The following UBR4 variants were observed in gnomAD, a reference collection of about 807,000 sequenced individuals.
The protein encoded by UBR4 is E3 ubiquitin-protein ligase UBR4.
In UBR4, 124 loss-of-function variants were observed where a neutral mutation model predicts 575.6. The observed-to-expected ratio is 0.22, with a 90% confidence interval of 0.19 to 0.25. UBR4 has a LOEUF of 0.25. Ranked by LOEUF, UBR4 falls within the 10% of genes least tolerant of loss-of-function variation. The pLI is 1.00. For missense variants in UBR4, 4,818 were observed against 6,478.8 expected (o/e 0.74, Z 8.80); for synonymous variants, 2,455 against 2,473.7 (o/e 0.99, Z 0.22).
At chr1:19,147,077 GC>G in intron 51 of UBR4, 77 bp from the exon 52 acceptor site, 1 of 1,464,614 alleles carries the variant, frequency 6.8e-7, no homozygotes. Context: ...AGAAAAGCTG[GC>G]AGATCACCAG....
At chr1:19,190,312 A>AAAAAAAAAAAAAAAAATAT in intron 11 of UBR4, among the ~76,000 whole-genome samples, 16 of 79,906 alleles carry the variant, frequency 2.0e-4, no homozygotes, top group African/African-American at 5.9e-4. Flanking sequence ...AAAAAAAAAA[A>AAAAAAAAAAAAAAAAATAT]ATATATATAT....
chr1:19,203,483 G>A (rs937380960), intron 1 of UBR4, among the ~76,000 whole-genome samples: 143 of 149,818 alleles, frequency 9.5e-4, no homozygotes, highest in African/African-American at 3.3e-3. Context: ...CTGGGCAAAA[G>A]AGTAAGACTC....
intron 102 of UBR4, 119 bp from the exon 103 acceptor site, chr1:19,081,692 A>G (rs774345145): frequency 9.2e-7 from 1 of 1,087,992 alleles, no homozygotes; most frequent in Non-Finnish European, 1.4e-6. Flanking sequence ...CGCTTGGATG[A>G]CTCAACACTC....
intron 102 of UBR4, among the ~76,000 whole-genome samples, chr1:19,084,245 G>A (rs960901399): frequency 2.6e-5 from 4 of 152,254 alleles, no homozygotes; most frequent in Admixed American, 1.3e-4. Flanking sequence ...TGAGCTGAAC[G>A]TCAGTCCAAG....
Position 19,076,845 on chromosome 1 carries a change from G to A in UBR4, c.15382C>T (p.Arg5128Cys), listed in dbSNP as rs1246268061. The A allele has an allele frequency of 4.3e-6, 7 of 1,611,564 alleles. No individual in the cohort carries two copies. Among genetic ancestry groups the A allele is most frequent in the East Asian group, 2.2e-5 (1 of 44,828 alleles). The change falls in exon 105 of 106, where the codon CGC becomes TGC. Residue 5128 changes from arginine to cysteine, a missense_variant. By Grantham distance (180) the Arg-to-Cys change is radical (BLOSUM62 -3). Coordinates refer to ENST00000375254, the MANE Select transcript of UBR4 (RefSeq NM_020765.3). ...TCGTAGATGGGCATGTCGTTGTGGC[G>A]GATGTACTCAGCGAGAGAGCAGGAC... The part of the protein sequence containing the change: ...GWSCSLAEYI[R>C]HNDMPIYEAA...
intron 1 of UBR4, 70 bp downstream of exon 1, chr1:19,210,003 G>A (rs899306364): frequency 1.6e-5 from 23 of 1,462,088 alleles, no homozygotes; most frequent in Non-Finnish European, 1.9e-5. Flanking sequence ...CGGAAAGCGG[G>A]TCCAGACGAT....
In UBR4 at chr1:19,089,478, A is replaced by C. The variant is rs1437858906; in HGVS notation, c.14212-501T>G. On this transcript the variant is annotated intron_variant, in intron 97 of 105. Coordinates refer to ENST00000375254, the MANE Select transcript of UBR4 (RefSeq NM_020765.3). This position sits in a 1 kb window ranked among gnomAD's most constrained non-coding sequence, Gnocchi z 4.3. The stretch of plus-strand genomic sequence containing the variant: ...AGTTTTCTCAGGCTAGGGATACTAG[A>C]GGTGCAATGACTACAAGCAGGTATG... Among the ~76,000 whole-genome samples, 1 of 152,222 alleles carries C rather than the reference A, an allele frequency of 6.6e-6. No homozygotes were observed. Among genetic ancestry groups the C allele is most frequent in the Non-Finnish European group, 1.5e-5 (1 of 68,026 alleles).
intron 9 of UBR4, 69 bp downstream of exon 9, chr1:19,193,364 A>C: frequency 6.4e-7 from 1 of 1,571,872 alleles, no homozygotes; most frequent in Non-Finnish European, 8.7e-7. Context: ...ATCATGGAAG[A>C]AAGTGGAACT....
rs1242336981 is a variant in UBR4, at chr1:19,151,859, G to A, written c.6997C>T (p.Pro2333Ser). 1 of 1,581,296 alleles carries A rather than the reference G, an allele frequency of 6.3e-7. No individual in the cohort carries two copies. Residue 2333 changes from proline to serine, a missense_variant and splice_region_variant, in exon 48 of 106, where the codon CCC (proline) becomes TCC (serine). Coordinates refer to ENST00000375254, the MANE Select transcript of UBR4 (RefSeq NM_020765.3). ...STGMYVANTK[P>S]GGFTIEISNN... ...CTAATCTCAATGGTGAAGCCTCCGG[G>A]CTGTAGGGAGACAAGGCACACATCA... is the stretch of plus-strand genomic sequence containing the variant.
chr1:19,168,112 T>G lies in UBR4; in HGVS notation c.3814A>C (p.Thr1272Pro). The part of the protein sequence containing the change: ...ISAVQAAHLG[T>P]LCSQSLPLAA... ...AGGGGCAGACTTTGGCTACAGAGAG[T>G]CCCCAGGTGTGCAGCCTGCACTGCA... The change falls in exon 28 of 106, where the codon ACT becomes CCT. Residue 1272 changes from threonine to proline, a missense_variant. By Grantham distance (38) the Thr-to-Pro change is conservative. Around this residue, in one of 29 missense-constraint regions of UBR4, gnomAD observed 1,172 missense variants for 1,259.7 expected, o/e 0.93. Transcript: ENST00000375254. The G allele has an allele frequency of 6.2e-7, 1 of 1,613,112 alleles. No individual in the cohort carries two copies. Among genetic ancestry groups the G allele is most frequent in the Non-Finnish European group, 8.5e-7 (1 of 1,179,396 alleles).
chr1:19,192,042 G>A, intron 11 of UBR4, 146 bp downstream of exon 11: 1 of 744,380 alleles, frequency 1.3e-6, no homozygotes, highest in East Asian at 2.7e-5. Context: ...GGAGATAACA[G>A]GTCATGATCA....
chr1:19,078,845 A>AAAC (rs747684796), intron 103 of UBR4: 1 of 152,190 alleles, frequency 6.6e-6, no homozygotes, highest in Non-Finnish European at 1.5e-5. Context: ...TCTTGGTTTG[A>AAAC]GGTTTGAGGA....
intron 55 of UBR4, among the ~76,000 whole-genome samples, chr1:19,143,082 T>G (rs1486993558): frequency 7.4e-6 from 1 of 134,764 alleles, no homozygotes; most frequent in Non-Finnish European, 1.5e-5. Context: ...ACAGTGAGAC[T>G]CTGAAAAAAG....
intron 20 of UBR4, 54 bp downstream of exon 20, chr1:19,176,538 C>T (rs1052922920): frequency 3.9e-5 from 62 of 1,589,172 alleles, no homozygotes; most frequent in Middle Eastern, 4.4e-4. Flanking sequence ...TCAAATTCAA[C>T]CCCACCAATG....
At chr1:19,119,953 C>T (rs2080991473) in intron 69 of UBR4, among the ~76,000 whole-genome samples, 1 of 152,158 alleles carries the variant, frequency 6.6e-6, no homozygotes, top group African/African-American at 2.4e-5. Context: ...ATGTTACAAA[C>T]CCCGATACAT....
chr1:19,170,971 A>T lies in UBR4; in HGVS notation c.3522-88T>A, dbSNP rs572811435. 12 of 1,574,894 alleles carry T rather than the reference A, an allele frequency of 7.6e-6. No homozygotes were observed. In the African/African-American group the frequency reaches 1.5e-4, roughly 20 times the overall value. ...TGGCCCTAGACTGGCTGAAAACCCT[A>T]TATCTCAGTTTCCTATCTATTTAAT... On this transcript the variant is annotated intron_variant, in intron 25 of 105. Transcript: ENST00000375254.
Position 19,093,262 on chromosome 1 carries a change from G to T in UBR4, c.14111+51C>A. On this transcript the variant is annotated intron_variant, in intron 96 of 105. Coordinates refer to ENST00000375254, the MANE Select transcript of UBR4 (RefSeq NM_020765.3). This position sits in a 1 kb window ranked among gnomAD's most constrained non-coding sequence, Gnocchi z 4.8. ...CCAAGATGCTGATGGAGAAGGAAAAGGAAAGGGCAAAGCGAAGGCAAAGCA... is the reference window on the plus strand; with the variant it reads ...CCAAGATGCTGATGGAGAAGGAAAATGAAAGGGCAAAGCGAAGGCAAAGCA... 6.3e-7 allele frequency: 1 copy of T among 1,588,600 alleles called. No individual in the cohort carries two copies.
In UBR4 at chr1:19,076,860, G is replaced by A; in HGVS notation, c.15367C>T (p.Leu5123Phe). The A allele has an allele frequency of 6.2e-7, 1 of 1,608,266 alleles. No individual in the cohort carries two copies. Among genetic ancestry groups the A allele is most frequent in the African/African-American group, 1.3e-5 (1 of 74,804 alleles). ...TCGTTGTGGCGGATGTACTCAGCGA[G>A]AGAGCAGGACCAGCCTCCCTCTGTG... Reference protein sequence around the residue: ...SNTEGGWSCSLAEYIRHNDMP... With the variant: ...SNTEGGWSCSFAEYIRHNDMP... The change falls in exon 105 of 106, where the codon CTC (leucine) becomes TTC (phenylalanine). Residue 5123 changes from leucine (L) to phenylalanine (F), a missense_variant. By Grantham distance (22) the Leu-to-Phe change is conservative (BLOSUM62 0). Transcript: ENST00000375254.
Position 19,104,621 on chromosome 1 carries a change from C to G in UBR4, c.12691G>C (p.Asp4231His). 1 of 1,614,134 alleles carries G rather than the reference C, an allele frequency of 6.2e-7. No individual in the cohort carries two copies. The highest frequency in any genetic ancestry group is 8.5e-7 in the Non-Finnish European group (1 of 1,180,014). The change falls in exon 86 of 106, where the codon GAT (aspartate) becomes CAT (histidine). Residue 4231 changes from aspartate (D) to histidine (H), a missense_variant. By Grantham distance (81) the Asp-to-His change is moderately conservative (BLOSUM62 -1). Around this residue, in one of 29 missense-constraint regions of UBR4, gnomAD observed 105 missense variants for 232.8 expected, o/e 0.45. Coordinates refer to ENST00000375254, the MANE Select transcript of UBR4 (RefSeq NM_020765.3). ...LALEEATLST[D>H]LQQGYALKSL... ...TTAAGGGCATAACCCTGCTGCAGAT[C>G]GGTACTCAGGGTAGCCTCCTCCAGG... is the stretch of plus-strand genomic sequence containing the variant.
Sources: allele counts gnomAD v4.1 joint callset (sites outside exome capture counted in the v4.1 genomes callset), GRCh38; gene constraint gnomAD v4.1.1; regional missense constraint gnomAD v4.1.1; non-coding constraint Gnocchi (gnomAD v3.1); transcripts MANE v1.5; gene names NCBI Gene and HGNC (gene_info 2026-07-23, HGNC 2026-07-21).